LY86: variants seen among roughly 807,000 people sequenced by gnomAD.
The protein encoded by LY86 is lymphocyte antigen 86.
In LY86, 20 loss-of-function variants were observed where a neutral mutation model predicts 17.3. The observed-to-expected ratio is 1.15, with a 90% CI of 0.81 to 1.68. The LOEUF (loss-of-function observed/expected upper bound fraction) is 1.68. Ranked by LOEUF, LY86 falls within the 40% of genes most tolerant of loss-of-function variation. The pLI is 0.00. For missense variants in LY86, 200 were observed against 191.9 expected, an observed-to-expected ratio of 1.04 and a Z score of -0.25; for synonymous variants, 74 against 70.6, an observed-to-expected ratio of 1.05 and a Z score of -0.24.
At chr6:6,626,212 C>T in intron 2 of LY86, 81 bp from the exon 3 acceptor site, 4 of 1,384,582 alleles carry the variant, frequency 2.9e-6, no homozygotes, top group African/African-American at 1.5e-5. Context: ...TTCTTTAGCT[C>T]ATGCTGCTGT....
chr6:6,600,241 G>C (rs1037198129), intron 1 of LY86, among the ~76,000 whole-genome samples: 7 of 152,134 alleles, frequency 4.6e-5, no homozygotes, highest in Non-Finnish European at 1.0e-4. Flanking sequence ...GCCTCATTAA[G>C]GAGTCCAACA....
intron 1 of LY86, among the ~76,000 whole-genome samples, chr6:6,614,502 T>C (rs930737502): frequency 1.3e-5 from 2 of 152,106 alleles, no homozygotes; most frequent in South Asian, 2.1e-4. Context: ...CCAGGCTCTC[T>C]GGTCTTGGCT....
At chr6:6,632,388 G>C (rs1761909632) in intron 3 of LY86, among the ~76,000 whole-genome samples, 1 of 152,180 alleles carries the variant, frequency 6.6e-6, no homozygotes, top group African/African-American at 2.4e-5. Flanking sequence ...ATTCATTATT[G>C]GGTAAGAGTG....
At chr6:6,634,489 A>G (rs1424384950) in intron 3 of LY86, among the ~76,000 whole-genome samples, 1 of 152,276 alleles carries the variant, frequency 6.6e-6, no homozygotes, top group Admixed American at 6.5e-5. Flanking sequence ...TTTTTGTGAC[A>G]GCATCCAAGA....
At chr6:6,600,505 G>A (rs969147464) in intron 1 of LY86, among the ~76,000 whole-genome samples, 18 of 147,778 alleles carry the variant, frequency 1.2e-4, no homozygotes, top group African/African-American at 4.5e-4. Context: ...CAGGGGAATC[G>A]CTTGAACCCG....
intron 3 of LY86, among the ~76,000 whole-genome samples, chr6:6,636,133 A>G (rs1254522498): frequency 6.6e-6 from 1 of 152,180 alleles, no homozygotes; most frequent in Non-Finnish European, 1.5e-5. Flanking sequence ...CAAGTCCCCC[A>G]GTGAGGCTGA....
At chr6:6,642,753 C>T (rs1257441712) in intron 3 of LY86, among the ~76,000 whole-genome samples, 1 of 152,212 alleles carries the variant, frequency 6.6e-6, no homozygotes, top group Non-Finnish European at 1.5e-5. Context: ...AGAAGCAGTG[C>T]CTGGGCCTTC....
chr6:6,637,964 C>A (rs1172978510), intron 3 of LY86, among the ~76,000 whole-genome samples: 2 of 152,172 alleles, frequency 1.3e-5, no homozygotes, highest in South Asian at 2.1e-4. Context: ...AACTTAAATT[C>A]TTTTTGTTTT....
At chr6:6,596,216 AAT>A (rs1760708670) in intron 1 of LY86, among the ~76,000 whole-genome samples, 1 of 152,224 alleles carries the variant, frequency 6.6e-6, no homozygotes, top group Non-Finnish European at 1.5e-5. Flanking sequence ...CTCCGTACAG[AAT>A]AGAGGGTAAG....
rs924505270 is a variant in LY86, at chr6:6,654,901, G to T, written c.*274G>T. The T allele has an allele frequency of 5.1e-6, 2 of 393,254 alleles. No individual in the cohort carries two copies. Among genetic ancestry groups the T allele is most frequent in the East Asian group, 8.9e-5 (2 of 22,492 alleles). 24.4% of individuals were successfully genotyped at this position (393,254 alleles called of 1,614,324 possible). A position where few individuals can be genotyped will look rare whatever the true frequency, so the allele number is the denominator to read the frequency against. On this transcript the variant is annotated 3_prime_UTR_variant, in exon 5 of 5. Transcript: ENST00000230568. ...GTCCATCCTTTTTCTCTAATTGGTC[G>T]CCTCCCACCAGACTCACCTGCTTTT... is the stretch of plus-strand genomic sequence containing the variant.
chr6:6,609,143 G>A (rs34804354), intron 1 of LY86, among the ~76,000 whole-genome samples: 14,384 of 152,000 alleles, frequency 0.095, 750 homozygotes, highest in South Asian at 0.15. Context: ...TCATGGCCCC[G>A]GGATCCTATT....
chr6:6,620,016 G>C (rs900345674), intron 1 of LY86, among the ~76,000 whole-genome samples: 2 of 152,054 alleles, frequency 1.3e-5, no homozygotes, highest in Non-Finnish European at 2.9e-5. Context: ...TTGGAGGGGG[G>C]TCAGCTCCTT....
chr6:6,595,840 G>A (rs1032181329), intron 1 of LY86, among the ~76,000 whole-genome samples: 2 of 152,120 alleles, frequency 1.3e-5, no homozygotes, highest in East Asian at 3.8e-4. Context: ...ATTCCACCAC[G>A]AGGTAGTCAG....
chr6:6,648,142 A>G, intron 3 of LY86, among the ~76,000 whole-genome samples: 1 of 151,948 alleles, frequency 6.6e-6, no homozygotes, highest in East Asian at 1.9e-4. Flanking sequence ...CACAGCTGTG[A>G]TCTCATTCGT....
intron 1 of LY86, among the ~76,000 whole-genome samples, chr6:6,610,144 C>T (rs1341180589): frequency 6.6e-6 from 1 of 152,304 alleles, no homozygotes; most frequent in Non-Finnish European, 1.5e-5. Context: ...CAAGAGCGAA[C>T]ACGTGCGTGC....
intron 1 of LY86, among the ~76,000 whole-genome samples, chr6:6,591,749 C>T (rs933948761): frequency 5.3e-5 from 8 of 152,138 alleles, no homozygotes; most frequent in Admixed American, 2.0e-4. Flanking sequence ...CAAATTGATC[C>T]CCAGCCTGCC....
At chr6:6,613,262 C>A (rs756334067) in intron 1 of LY86, among the ~76,000 whole-genome samples, 105 of 152,368 alleles carry the variant, frequency 6.9e-4, no homozygotes, top group Non-Finnish European at 1.2e-3. Flanking sequence ...CTGCCAATCC[C>A]GCGCCGTGCG....
intron 1 of LY86, among the ~76,000 whole-genome samples, chr6:6,595,437 G>T (rs1170068510): frequency 2.0e-5 from 3 of 149,814 alleles, no homozygotes; most frequent in African/African-American, 7.4e-5. Flanking sequence ...AGGGGGAGGA[G>T]GGGGGAGTGG....
intron 3 of LY86, among the ~76,000 whole-genome samples, chr6:6,635,785 G>A (rs9405954): frequency 0.035 from 5,397 of 152,248 alleles, 286 homozygotes; most frequent in African/African-American, 0.11. Flanking sequence ...TCCTCTTCTC[G>A]TGGATGGATC....
Sources: gnomAD v4.1 joint callset for allele counts (sites outside exome capture counted in the v4.1 genomes callset) on GRCh38, gnomAD v4.1.1 for gene constraint, MANE v1.5 for transcripts, NCBI Gene and HGNC (gene_info 2026-07-23, HGNC 2026-07-21) for gene names.